Variants in PHLPP1 observed in about 807,000 individuals in gnomAD.
PHLPP1 encodes PH domain leucine-rich repeat-containing protein phosphatase 1.
PHLPP1 carries 42 observed loss-of-function variants against 117.2 expected under a neutral mutation model. The ratio of observed to expected loss-of-function variants is 0.36; its 90% confidence interval spans 0.28 to 0.46. The LOEUF (loss-of-function observed/expected upper bound fraction) is 0.46. PHLPP1 is among the 20% of genes least tolerant of loss of function. PHLPP1 has a pLI of 1.00. For synonymous variants in PHLPP1, 1,042 were observed against 970.7 expected (o/e 1.07, Z -1.37); for missense variants, 2,084 against 2,241.9 (o/e 0.93, Z 1.42).
At position 62,978,794 on chromosome 18, in the gene PHLPP1, A is replaced by T. The variant is rs1278919948; in HGVS notation, c.4517A>T (p.Asn1506Ile). ...CCCCCGCCCGGAGCCCTAAGCGAGA[A>T]CAGCCCTGCCTACCCCAGTGAGCAG... ...DEPPPGALSENSPAYPSEQRC... is the reference protein window; with the variant it reads ...DEPPPGALSEISPAYPSEQRC... The change falls in exon 17 of 17, where the codon AAC (asparagine) becomes ATC (isoleucine). Residue 1506 changes from asparagine to isoleucine, a missense_variant. Coordinates refer to ENST00000262719, the MANE Select transcript of PHLPP1 (RefSeq NM_194449.4). This position sits in a 1 kb window ranked among gnomAD's most constrained non-coding sequence, Gnocchi z 7.0. 1 of 1,612,388 alleles carries T rather than the reference A, an allele frequency of 6.2e-7. No homozygotes were observed. The highest frequency in any genetic ancestry group is 2.2e-5 in the East Asian group (1 of 44,794).
chr18:62,943,848 T>C (rs997503274), intron 11 of PHLPP1, among the ~76,000 whole-genome samples: 3 of 152,182 alleles, frequency 2.0e-5, no homozygotes, highest in African/African-American at 7.2e-5. Context: ...ATTTAAATAA[T>C]ATTCTCAGAA....
chr18:62,893,601 A>G (rs935503699), intron 4 of PHLPP1, among the ~76,000 whole-genome samples: 2 of 152,204 alleles, frequency 1.3e-5, no homozygotes, highest in African/African-American at 4.8e-5. Context: ...ACAGCTTAAC[A>G]TATACTGATT....
chr18:62,740,275 C>A (rs1037858698), intron 1 of PHLPP1, among the ~76,000 whole-genome samples: 1 of 152,082 alleles, frequency 6.6e-6, no homozygotes, highest in Non-Finnish European at 1.5e-5. Context: ...TATTCTGTTT[C>A]CTTTCTGTTT....
chr18:62,941,902 C>A lies in PHLPP1; in HGVS notation c.3145C>A (p.Gln1049Lys). 2 of 1,613,466 alleles carry A rather than the reference C, an allele frequency of 1.2e-6. No individual in the cohort carries two copies. The highest frequency in any genetic ancestry group is 1.7e-6 in the Non-Finnish European group (2 of 1,179,476). Residue 1049 changes from glutamine to lysine, a missense_variant, in exon 11 of 17, where the codon CAG becomes AAG. Coordinates refer to ENST00000262719, the MANE Select transcript of PHLPP1 (RefSeq NM_194449.4). Reference sequence around the variant, plus strand: ...CCTTCACATGGCCTATAACCGACTTCAGAGTTTTCCAGCAAGGTAAAGGAC... The same window carrying A: ...CCTTCACATGGCCTATAACCGACTTAAGAGTTTTCCAGCAAGGTAAAGGAC... The part of the protein sequence containing the change: ...KILHMAYNRL[Q>K]SFPASKMAKL...
intron 1 of PHLPP1, among the ~76,000 whole-genome samples, chr18:62,748,005 G>T (rs1294308186): frequency 6.6e-6 from 1 of 152,090 alleles, no homozygotes; most frequent in Non-Finnish European, 1.5e-5. Context: ...ATTGTTCCAT[G>T]TCTGCTTGAA....
chr18:62,720,127 T>C (rs538552874), intron 1 of PHLPP1, among the ~76,000 whole-genome samples: 3 of 152,286 alleles, frequency 2.0e-5, no homozygotes, highest in African/African-American at 7.2e-5. Flanking sequence ...TTAATATCCT[T>C]TTAAAATCGG....
chr18:62,735,760 A>C (rs1477553141), intron 1 of PHLPP1, among the ~76,000 whole-genome samples: 4 of 152,180 alleles, frequency 2.6e-5, no homozygotes, highest in African/African-American at 9.7e-5. Flanking sequence ...CCCCATGCAC[A>C]GTATCTTCTT....
At chr18:62,823,946 A>C (rs1365013985) in intron 1 of PHLPP1, among the ~76,000 whole-genome samples, 1 of 152,162 alleles carries the variant, frequency 6.6e-6, no homozygotes, top group Non-Finnish European at 1.5e-5. Context: ...AGCCTGGCCA[A>C]CATGGTGAAA....
intron 9 of PHLPP1, among the ~76,000 whole-genome samples, chr18:62,919,382 T>C (rs892704413): frequency 1.3e-5 from 2 of 152,218 alleles, no homozygotes; most frequent in Non-Finnish European, 2.9e-5. Context: ...CGGGAGACAG[T>C]CTCTACCTTG....
At chr18:62,726,203 A>G (rs1599014480) in intron 1 of PHLPP1, among the ~76,000 whole-genome samples, 3 of 151,876 alleles carry the variant, frequency 2.0e-5, no homozygotes, top group South Asian at 2.1e-4. Context: ...TATGGATGGG[A>G]GGGGGTGAGT....
intron 4 of PHLPP1, among the ~76,000 whole-genome samples, chr18:62,889,987 T>C (rs2144393077): frequency 6.6e-6 from 1 of 152,278 alleles, no homozygotes; most frequent in East Asian, 1.9e-4. Context: ...TGTGGTATTA[T>C]ACTGGACCTT....
intron 1 of PHLPP1, among the ~76,000 whole-genome samples, chr18:62,760,558 T>G (rs976308498): frequency 7.2e-5 from 11 of 152,242 alleles, no homozygotes; most frequent in African/African-American, 2.7e-4. Flanking sequence ...ACGTCAGCTC[T>G]CAAAGCTTCC....
chr18:62,875,676 A>G (rs1348028483), intron 4 of PHLPP1, among the ~76,000 whole-genome samples: 1 of 151,884 alleles, frequency 6.6e-6, no homozygotes, highest in Non-Finnish European at 1.5e-5. Context: ...TTCTTCGCAA[A>G]AGGTATTTGT....
At chr18:62,856,931 G>GTT (rs199920198) in intron 3 of PHLPP1, among the ~76,000 whole-genome samples, 5 of 147,372 alleles carry the variant, frequency 3.4e-5, no homozygotes, top group Admixed American at 1.4e-4. Context: ...TTCTCAAGCT[G>GTT]TTTTTTTTTT....
intron 1 of PHLPP1, among the ~76,000 whole-genome samples, chr18:62,814,298 A>G (rs1357579135): frequency 6.6e-6 from 1 of 152,184 alleles, no homozygotes; most frequent in Non-Finnish European, 1.5e-5. Flanking sequence ...CCATTAGCTA[A>G]AAAGCAGTTA....
chr18:62,849,832 A>AATATATATATATATAT (rs1555677082), intron 3 of PHLPP1, among the ~76,000 whole-genome samples: 368 of 33,054 alleles, frequency 0.011, 12 homozygotes, highest in Middle Eastern at 0.036. Context: ...AAAAAAAAAA[A>AATATATATATATATAT]ATATATATAT....
chr18:62,836,246 C>T (rs1914892470), intron 2 of PHLPP1, among the ~76,000 whole-genome samples: 2 of 150,964 alleles, frequency 1.3e-5, no homozygotes, highest in Admixed American at 1.3e-4. Context: ...CCAGACTGGC[C>T]AAGATGGTGA....
chr18:62,762,299 C>T (rs189760010), intron 1 of PHLPP1, among the ~76,000 whole-genome samples: 30 of 148,452 alleles, frequency 2.0e-4, no homozygotes, highest in Admixed American at 1.6e-3. Flanking sequence ...ACACTGAACC[C>T]AAGTCTTTTC....
In PHLPP1 at chr18:62,979,302, A is replaced by G; in HGVS notation, c.5025A>G (p.Lys1675=). The G allele has an allele frequency of 6.4e-7, 1 of 1,555,300 alleles. No individual in the cohort carries two copies. Among genetic ancestry groups the G allele is most frequent in the Non-Finnish European group, 8.7e-7 (1 of 1,149,002 alleles). The stretch of plus-strand genomic sequence containing the variant: ...CCCCGGAGCTGGAAGAGGAGGTCAA[A>G]GAAATCATGAAGCATCACCAGGAGC... The part of the protein sequence containing the change: ...IIPPELEEEV[K]EIMKHHQEQQ... Residue 1675 remains lysine, a synonymous_variant, in exon 17 of 17, where the codon AAA becomes AAG. Transcript: ENST00000262719.
Sources: allele counts gnomAD v4.1 joint callset (sites outside exome capture counted in the v4.1 genomes callset), GRCh38; gene constraint gnomAD v4.1.1; non-coding constraint Gnocchi (gnomAD v3.1); transcripts MANE v1.5; gene names NCBI Gene and HGNC (gene_info 2026-07-23, HGNC 2026-07-21).